The following OSTF1 variants were observed in gnomAD, a reference collection of about 807,000 sequenced individuals.
The protein encoded by OSTF1 is osteoclast stimulating factor 1.
Under a neutral mutation model 37.2 loss-of-function variants are expected in OSTF1, and 27 were observed. The observed-to-expected ratio is 0.73, with a 90% CI of 0.54 to 1.00. The LOEUF (loss-of-function observed/expected upper bound fraction) is 1.00. Among genes scored for constraint, OSTF1 ranks in the 50% least tolerant of loss-of-function variants. The pLI is 0.00. For missense variants in OSTF1, 232 were observed against 253.8 expected (o/e 0.91, Z 0.58); for synonymous variants, 82 against 89.2 (o/e 0.92, Z 0.46).
intron 1 of OSTF1, among the ~76,000 whole-genome samples, chr9:75,091,434 T>A (rs1368510023): frequency 6.6e-6 from 1 of 152,144 alleles, no homozygotes; most frequent in Non-Finnish European, 1.5e-5. Flanking sequence ...CGGTCAAATG[T>A]GTATTTTAGA....
chr9:75,143,908 T>G (rs1564171704), intron 9 of OSTF1, among the ~76,000 whole-genome samples: 1 of 152,222 alleles, frequency 6.6e-6, no homozygotes, highest in African/African-American at 2.4e-5. Flanking sequence ...TTTGCTGACT[T>G]GTGCCTGTCT....
chr9:75,131,880 A>G lies in OSTF1; in HGVS notation c.250+57A>G, dbSNP rs1035411687. On this transcript the variant is annotated intron_variant, in intron 5 of 9. Coordinates refer to ENST00000346234, the MANE Select transcript of OSTF1 (RefSeq NM_012383.5). ...AGTACAGTAAAAGGCACGGATTTCA[A>G]TTAGCTTTGACAAGTGCATACACCC... 7.2e-5 allele frequency: 95 copies of G among 1,311,914 alleles called. 1 individual carries two copies. The highest frequency in any genetic ancestry group is 6.3e-4 in the South Asian group (53 of 84,002). 81.3% of individuals were successfully genotyped at this position (1,311,914 alleles called of 1,614,324 possible). A position where few individuals can be genotyped will look rare whatever the true frequency, so the allele number is the denominator to read the frequency against.
Position 75,129,128 on chromosome 9 carries a change from G to T in OSTF1, c.133-1450G>T, listed in dbSNP as rs184352089. Among the ~76,000 whole-genome samples, 50 of 152,202 alleles carry T rather than the reference G, an allele frequency of 3.3e-4. No individual in the cohort carries two copies. The East Asian group carries it at 9.3e-3, about 28-fold the overall frequency. On this transcript the variant is annotated intron_variant, in intron 3 of 9. Transcript: ENST00000346234. ...AACGAACTTGAAGAGACTCCCACTG[G>T]CCAAAGATAGGACAATTTGAGCATC... is the stretch of plus-strand genomic sequence containing the variant.
intron 1 of OSTF1, among the ~76,000 whole-genome samples, chr9:75,109,020 A>C (rs1004266304): frequency 5.2e-4 from 76 of 146,252 alleles, no homozygotes; most frequent in African/African-American, 1.7e-3. Flanking sequence ...TCTCAGGTTT[A>C]TTCTTTTTTT....
At chr9:75,095,706 T>G (rs1265369110) in intron 1 of OSTF1, among the ~76,000 whole-genome samples, 1 of 152,174 alleles carries the variant, frequency 6.6e-6, no homozygotes. Context: ...TGTAACAGTT[T>G]GTGAAAAATG....
intron 2 of OSTF1, among the ~76,000 whole-genome samples, chr9:75,123,282 C>T (rs991545069): frequency 2.6e-5 from 4 of 152,242 alleles, no homozygotes; most frequent in South Asian, 2.1e-4. Context: ...ATCAGCCGGG[C>T]GAGGTGGCAG....
At chr9:75,100,376 C>T (rs1825168332) in intron 1 of OSTF1, among the ~76,000 whole-genome samples, 1 of 152,084 alleles carries the variant, frequency 6.6e-6, no homozygotes, top group African/African-American at 2.4e-5. Flanking sequence ...TGCCCATGTT[C>T]ATAAAAAGAT....
intron 1 of OSTF1, among the ~76,000 whole-genome samples, chr9:75,107,753 A>AT (rs1564157116): frequency 1.3e-5 from 2 of 152,290 alleles, no homozygotes; most frequent in South Asian, 2.1e-4. Flanking sequence ...TTAGACTCAA[A>AT]TTTTTTCCAA....
intron 1 of OSTF1, among the ~76,000 whole-genome samples, chr9:75,100,308 A>G (rs1221952916): frequency 6.6e-6 from 1 of 152,230 alleles, no homozygotes; most frequent in Non-Finnish European, 1.5e-5. Flanking sequence ...GGACCAAGGC[A>G]TTCCTAGAAG....
At chr9:75,124,693 G>C (rs1368357306) in intron 2 of OSTF1, among the ~76,000 whole-genome samples, 1 of 152,000 alleles carries the variant, frequency 6.6e-6, no homozygotes, top group Non-Finnish European at 1.5e-5. Flanking sequence ...TATTCCCCCT[G>C]ACTTTATTGC....
chr9:75,117,898 A>G (rs1192267682), intron 2 of OSTF1, among the ~76,000 whole-genome samples: 1 of 152,172 alleles, frequency 6.6e-6, no homozygotes, highest in Non-Finnish European at 1.5e-5. Context: ...CTCTACCTCA[A>G]AATAGCTCAT....
At chr9:75,092,651 A>G (rs1824996547) in intron 1 of OSTF1, among the ~76,000 whole-genome samples, 1 of 152,318 alleles carries the variant, frequency 6.6e-6, no homozygotes, top group South Asian at 2.1e-4. Context: ...CCTGTCATCT[A>G]CTGATAATCA....
intron 7 of OSTF1, among the ~76,000 whole-genome samples, chr9:75,136,445 C>T (rs1393998191): frequency 7.9e-5 from 12 of 151,924 alleles, no homozygotes; most frequent in African/African-American, 1.9e-4. Context: ...CAGGCTGGGG[C>T]GTAGTGGCGC....
chr9:75,147,234 C>T lies in OSTF1; in HGVS notation c.*493C>T, dbSNP rs892913545. ...CCGTTTCTGTGGTATCACTCATTGT[C>T]GTTAAGTAAGTAAAGCTTTTTATAT... On this transcript the variant is annotated 3_prime_UTR_variant, in exon 10 of 10. Coordinates refer to ENST00000346234, the MANE Select transcript of OSTF1 (RefSeq NM_012383.5). 3 of 151,548 alleles carry T rather than the reference C, an allele frequency of 2.0e-5. No homozygotes were observed. Among genetic ancestry groups the T allele is most frequent in the South Asian group, 2.1e-4 (1 of 4,808 alleles). 9.4% of individuals were successfully genotyped at this position (151,548 alleles called of 1,614,324 possible). A position where few individuals can be genotyped will look rare whatever the true frequency, so the allele number is the denominator to read the frequency against.
intron 3 of OSTF1, among the ~76,000 whole-genome samples, chr9:75,129,577 T>C (rs1392017338): frequency 6.6e-6 from 1 of 151,922 alleles, no homozygotes; most frequent in East Asian, 1.9e-4. Flanking sequence ...CCAAAAAAAA[T>C]TGGAGCTGAA....
intron 1 of OSTF1, among the ~76,000 whole-genome samples, chr9:75,112,507 A>T (rs1825409167): frequency 6.6e-6 from 1 of 152,154 alleles, no homozygotes; most frequent in Non-Finnish European, 1.5e-5. Context: ...TTAAGCAATA[A>T]ATAAGGTTGT....
chr9:75,126,779 G>C (rs1162220889), intron 2 of OSTF1, among the ~76,000 whole-genome samples: 1 of 152,136 alleles, frequency 6.6e-6, no homozygotes, highest in Admixed American at 6.5e-5. Context: ...TTTTAGTAGA[G>C]ATGGGGTTTC....
intron 9 of OSTF1, among the ~76,000 whole-genome samples, chr9:75,141,305 AG>A (rs1825939217): frequency 2.3e-5 from 3 of 132,888 alleles, no homozygotes; most frequent in Non-Finnish European, 3.4e-5. Context: ...TCTCAAAAAA[AG>A]AAAACCAAAA....
intron 1 of OSTF1, among the ~76,000 whole-genome samples, chr9:75,091,081 CTT>C (rs35343834): frequency 0.026 from 2,401 of 93,630 alleles, 22 homozygotes; most frequent in Admixed American, 0.054. Context: ...GAAGTCTGCA[CTT>C]TTTTTTTTTT....
Sources: allele counts gnomAD v4.1 joint callset (sites outside exome capture counted in the v4.1 genomes callset), GRCh38; gene constraint gnomAD v4.1.1; transcripts MANE v1.5; gene names NCBI Gene and HGNC (gene_info 2026-07-23, HGNC 2026-07-21).